PLCD3: variants seen among roughly 807,000 people sequenced by gnomAD.
PLCD3 encodes phospholipase C delta 3.
In PLCD3, 62 loss-of-function variants were observed where a neutral mutation model predicts 82.8. That is an observed-to-expected ratio of 0.75 (90% CI 0.61 to 0.93). PLCD3 has a LOEUF of 0.93. Among genes scored for constraint, PLCD3 ranks in the 40% least tolerant of loss-of-function variants. The probability of loss-of-function intolerance (pLI) is 0.00; values close to 1 mark genes in which losing one functional copy is unlikely to be tolerated. For missense variants in PLCD3, 1,023 were observed against 1,103.4 expected (o/e 0.93, Z 1.03); for synonymous variants, 478 against 471.8 (o/e 1.01, Z -0.17).
At chr17:45,131,545 G>C (rs947404275) in intron 1 of PLCD3, among the ~76,000 whole-genome samples, 1 of 152,244 alleles carries the variant, frequency 6.6e-6, no homozygotes, top group African/African-American at 2.4e-5. Flanking sequence ...ATTCCTTGCC[G>C]TCTCTGAGTC....
intron 13 of PLCD3, 55 bp from the exon 14 acceptor site, chr17:45,113,067 C>T (rs2054260080): frequency 6.2e-7 from 1 of 1,607,978 alleles, no homozygotes; most frequent in Non-Finnish European, 8.5e-7. Flanking sequence ...CACCCTGCAC[C>T]ACCCTTCGCT....
rs1420428737 is a variant in PLCD3, at chr17:45,120,351, C to G, written c.658G>C (p.Asp220His). Residue 220 changes from aspartate to histidine, a missense_variant, in exon 4 of 15, where the codon GAC becomes CAC. Coordinates refer to ENST00000619929, the MANE Select transcript of PLCD3 (RefSeq NM_133373.5). Reference sequence around the variant, plus strand: ...TTGAAGAGGAGGTAGGCGTACATGTCGTTCATGTCCACGTTGACCATTCTC... The same window carrying G: ...TTGAAGAGGAGGTAGGCGTACATGTGGTTCATGTCCACGTTGACCATTCTC... The part of the protein sequence containing the change: ...LLRMVNVDMN[D>H]MYAYLLFKEC... 1.9e-6 allele frequency: 3 copies of G among 1,614,020 alleles called. No individual in the cohort carries two copies. Among genetic ancestry groups the G allele is most frequent in the Non-Finnish European group, 2.5e-6 (3 of 1,179,868 alleles).
Position 45,115,473 on chromosome 17 carries a change from G to C in PLCD3, c.1431C>G (p.Val477=). The C allele has an allele frequency of 1.2e-6, 2 of 1,610,828 alleles. No individual in the cohort carries two copies. Among genetic ancestry groups the C allele is most frequent in the Non-Finnish European group, 8.5e-7 (1 of 1,178,852 alleles). Residue 477 remains valine, a synonymous_variant, in exon 9 of 15, where the codon GTC becomes GTG. Coordinates refer to ENST00000619929, the MANE Select transcript of PLCD3 (RefSeq NM_133373.5). The stretch of plus-strand genomic sequence containing the variant: ...CGGGCAACTTCTTTCCCTTCACCAG[G>C]ACCCGGCCCTTCAGCTGCTGTGGGG... ...LPSPEQLKGR[V]LVKGKKLPAA... is the part of the protein sequence containing the mutation.
chr17:45,121,438 G>T, intron 1 of PLCD3, 66 bp from the exon 2 acceptor site: 1 of 1,423,158 alleles, frequency 7.0e-7, no homozygotes, highest in Non-Finnish European at 9.2e-7. Flanking sequence ...GCCCTCCCCC[G>T]CTAGGACCTG....
chr17:45,127,693 G>A (rs1033005706), intron 1 of PLCD3, among the ~76,000 whole-genome samples: 3 of 152,120 alleles, frequency 2.0e-5, no homozygotes, highest in Admixed American at 6.5e-5. Context: ...GGCGTGTCCC[G>A]GAGGGGTGGC....
In PLCD3 at chr17:45,117,912, A is replaced by C. The variant is rs2277692; in HGVS notation, c.1260+82T>G. 1.9e-6 allele frequency: 3 copies of C among 1,539,442 alleles called. No homozygotes were observed. In the East Asian group the frequency reaches 6.9e-5, roughly 36 times the overall value. ...CTGGGCAAGGGTTTCCTCTGGAAGG[A>C]CGGAGGGCAGCTGGCATGTGAGTGC... On this transcript the variant is annotated intron_variant, in intron 7 of 14. Coordinates refer to ENST00000619929, the MANE Select transcript of PLCD3 (RefSeq NM_133373.5).
Position 45,118,755 on chromosome 17 carries a change from C to A in PLCD3, c.913+60G>T. The A allele has an allele frequency of 6.6e-7, 1 of 1,522,642 alleles. No individual in the cohort carries two copies. 94.3% of individuals were successfully genotyped at this position (1,522,642 alleles called of 1,614,324 possible). On this transcript the variant is annotated intron_variant, in intron 5 of 14. Transcript: ENST00000619929. This position sits in a 1 kb window ranked among gnomAD's most constrained non-coding sequence, Gnocchi z 4.1. ...GCCCGCGCCAGCCCGCAGCAGAACCCGCTTAGCTGGGAACACAGCCCTTTC... is the reference window on the plus strand; with the variant it reads ...GCCCGCGCCAGCCCGCAGCAGAACCAGCTTAGCTGGGAACACAGCCCTTTC...
intron 1 of PLCD3, 146 bp from the exon 2 acceptor site, chr17:45,121,518 A>C: frequency 9.8e-7 from 1 of 1,021,478 alleles, no homozygotes; most frequent in South Asian, 1.8e-5. Flanking sequence ...CCCTCACAGG[A>C]CTCCCCTCCT....
Position 45,112,557 on chromosome 17 carries a change from G to A in PLCD3, c.*59C>T, listed in dbSNP as rs1598025772. The A allele has an allele frequency of 1.3e-6, 2 of 1,488,644 alleles. No homozygotes were observed. Among genetic ancestry groups the A allele is most frequent in the African/African-American group, 1.4e-5 (1 of 71,836 alleles). 92.2% of individuals were successfully genotyped at this position (1,488,644 alleles called of 1,614,324 possible). On this transcript the variant is annotated 3_prime_UTR_variant, in exon 15 of 15. Coordinates refer to ENST00000619929, the MANE Select transcript of PLCD3 (RefSeq NM_133373.5). ...ACCACCTGACTCCAGAGGAGGAGAG[G>A]GCTCTGCAGGGGATGTGGACTGGCA... is the stretch of plus-strand genomic sequence containing the variant.
At chr17:45,122,895 G>A (rs1021727887) in intron 1 of PLCD3, among the ~76,000 whole-genome samples, 1 of 152,194 alleles carries the variant, frequency 6.6e-6, no homozygotes, top group African/African-American at 2.4e-5. Flanking sequence ...GGCCTTTGGA[G>A]GTGGGGCACA....
rs2054228671 is a variant in PLCD3 at position 45,109,943 on chromosome 17, TG to T, written c.*2672del. The T allele has an allele frequency of 6.6e-6, 1 of 151,668 alleles. No individual in the cohort carries two copies. The highest frequency in any genetic ancestry group is 2.1e-4 in the South Asian group (1 of 4,818). 9.4% of individuals were successfully genotyped at this position (151,668 alleles called of 1,614,324 possible). A position where few individuals can be genotyped will look rare whatever the true frequency, so the allele number is the denominator to read the frequency against. Reference sequence around the variant, plus strand: ...ACACAAAAAAATTAGCCGGGCATGGTGGTGGGCGCCTGTAGTCCCAGCTACT... The same window carrying T: ...ACACAAAAAAATTAGCCGGGCATGGTGTGGGCGCCTGTAGTCCCAGCTACT... On this transcript the variant is annotated 3_prime_UTR_variant, in exon 15 of 15. Coordinates refer to ENST00000619929, the MANE Select transcript of PLCD3 (RefSeq NM_133373.5).
rs766996087 is a variant in PLCD3, at chr17:45,121,086, C to T, written c.370G>A (p.Glu124Lys). ...IEAVREGHQSEGLRRFGGAFA... is the reference protein window; with the variant it reads ...IEAVREGHQSKGLRRFGGAFA... ...GCACCCCCGAAGCGCCGCAGGCCCT[C>T]GGACTGGTGGCCCTCGCGGACCGCC... Residue 124 changes from glutamate (E) to lysine (K), a missense_variant, in exon 3 of 15, where the codon GAG (glutamate) becomes AAG (lysine). Around this residue, in one of 3 missense-constraint regions of PLCD3, gnomAD observed 448 missense variants for 406.3 expected, o/e 1.10. Transcript: ENST00000619929. 1 of 1,539,572 alleles carries T rather than the reference C, an allele frequency of 6.5e-7. No homozygotes were observed. Among genetic ancestry groups the T allele is most frequent in the South Asian group, 1.2e-5 (1 of 83,482 alleles).
At position 45,132,422 on chromosome 17, in the gene PLCD3, G is replaced by A; in HGVS notation, c.-12C>T. The A allele has an allele frequency of 1.7e-6, 2 of 1,203,726 alleles. No individual in the cohort carries two copies. The highest frequency in any genetic ancestry group is 2.1e-6 in the Non-Finnish European group (2 of 969,656). The allele number at this position is 1,203,726 out of a possible 1,614,324, so 74.6% of individuals were successfully genotyped here. A position where few individuals can be genotyped will look rare whatever the true frequency, so the allele number is the denominator to read the frequency against. On this transcript the variant is annotated 5_prime_UTR_variant, in exon 1 of 15. Transcript: ENST00000619929. The surrounding 1 kb of genome is among the most constrained non-coding windows in gnomAD (Gnocchi z 4.6). ...CGGCCGCACAGCATGGCTTGGCGGG[G>A]GGCCGGGGCCGGGCCCGGGGTCTGC...
Position 45,112,428 on chromosome 17 carries a change from G to T in PLCD3, c.*188C>A. 1.5e-6 allele frequency: 1 copy of T among 645,214 alleles called. No individual in the cohort carries two copies. The highest frequency in any genetic ancestry group is 2.7e-6 in the Non-Finnish European group (1 of 368,938). 40.0% of individuals were successfully genotyped at this position (645,214 alleles called of 1,614,324 possible). The stretch of plus-strand genomic sequence containing the variant: ...ACTGAAGTCACATGAACACCTTTCT[G>T]TTCTTCAGGAGGGGCCCAGGCAGCC... On this transcript the variant is annotated 3_prime_UTR_variant, in exon 15 of 15. Transcript: ENST00000619929.
At chr17:45,115,784 C>G (rs1331670601) in intron 8 of PLCD3, among the ~76,000 whole-genome samples, 1 of 152,200 alleles carries the variant, frequency 6.6e-6, no homozygotes, top group South Asian at 2.1e-4. Context: ...GAAGATCTTA[C>G]GTGGAAGAAG....
At position 45,113,451 on chromosome 17, in the gene PLCD3, A is replaced by G. The variant is rs1371114762; in HGVS notation, c.1983T>C (p.Thr661=). The change falls in exon 12 of 15, where the codon ACT becomes ACC. Residue 661 remains threonine (T), a synonymous_variant. Transcript: ENST00000619929. The part of the protein sequence containing the change: ...DPEYPGPPRT[T]LSIQVLTAQQ... ...CCAGCCTGCTGACCTGGATGCTGAG[A>G]GTGGTTCTGGGAGGTCCTGGGTACT... The G allele has an allele frequency of 4.4e-6, 7 of 1,594,478 alleles. No individual in the cohort carries two copies. In the Admixed American group the frequency reaches 1.1e-4, roughly 24 times the overall value.
chr17:45,124,195 C>A (rs1214737536), intron 1 of PLCD3, among the ~76,000 whole-genome samples: 1 of 152,226 alleles, frequency 6.6e-6, no homozygotes, highest in Non-Finnish European at 1.5e-5. Context: ...AGATGAGTGA[C>A]TAAGGCCGGA....
At chr17:45,117,798 T>C (rs1475808499) in intron 7 of PLCD3, among the ~76,000 whole-genome samples, 196 bp downstream of exon 7, 1 of 152,220 alleles carries the variant, frequency 6.6e-6, no homozygotes, top group Non-Finnish European at 1.5e-5. Context: ...AGGGAACATA[T>C]TTCCCAAATA....
intron 1 of PLCD3, among the ~76,000 whole-genome samples, chr17:45,121,934 G>T (rs962192218): frequency 1.3e-5 from 2 of 150,258 alleles, no homozygotes; most frequent in Non-Finnish European, 3.0e-5. Context: ...TGCAGCCTAA[G>T]CGACAGAGTG....
Sources: allele counts gnomAD v4.1 joint callset (sites outside exome capture counted in the v4.1 genomes callset), GRCh38; gene constraint gnomAD v4.1.1; regional missense constraint gnomAD v4.1.1; non-coding constraint Gnocchi (gnomAD v3.1); transcripts MANE v1.5; gene names NCBI Gene and HGNC (gene_info 2026-07-23, HGNC 2026-07-21).